MTSS2: variants seen among roughly 807,000 people sequenced by gnomAD.
The protein encoded by MTSS2 is MTSS I-BAR domain containing 2.
Under a neutral mutation model 67.1 loss-of-function variants are expected in MTSS2, and 27 were observed. The observed-to-expected ratio is 0.40, with a 90% CI of 0.30 to 0.55. MTSS2 has a LOEUF of 0.55. Among genes scored for constraint, MTSS2 ranks in the 20% least tolerant of loss-of-function variants. MTSS2 has a pLI of 0.43. For synonymous variants in MTSS2, 624 were observed against 468.6 expected, an observed-to-expected ratio of 1.33 and a Z score of -4.28; for missense variants, 1,171 against 1,067.8, an observed-to-expected ratio of 1.10 and a Z score of -1.35.
At chr16:70,664,853 C>T (rs1204773040) in intron 13 of MTSS2, 67 bp downstream of exon 13, 1 of 1,515,740 alleles carries the variant, frequency 6.6e-7, no homozygotes, top group South Asian at 1.3e-5. Context: ...TTGGAGCCGG[C>T]CCTGAGGCCA....
chr16:70,673,974 G>A (rs931001312), intron 11 of MTSS2, among the ~76,000 whole-genome samples: 3 of 151,880 alleles, frequency 2.0e-5, no homozygotes, highest in African/African-American at 7.3e-5. Flanking sequence ...ATAGAAAGAA[G>A]AAAGCCAGAA....
Position 70,664,749 on chromosome 16 carries a change from C to G in MTSS2, c.1320G>C (p.Val440=), listed in dbSNP as rs780523839. 1.8e-5 allele frequency: 29 copies of G among 1,611,124 alleles called. No homozygotes were observed. Among genetic ancestry groups the G allele is most frequent in the Non-Finnish European group, 2.5e-5 (29 of 1,179,122 alleles). Residue 440 remains valine (V), a synonymous_variant, in exon 14 of 15, where the codon GTG becomes GTC. Transcript: ENST00000338779. ...ATIAAKHGEE[V]SPAASDLAMV... ...TGGCCAGGTCACTGGCGGCGGGGGA[C>G]ACCTCCTCACCGTGCTGAGGGTGGG...
At chr16:70,677,047 C>CCCG in intron 9 of MTSS2, 69 bp from the exon 10 acceptor site, 1 of 1,194,340 alleles carries the variant, frequency 8.4e-7, no homozygotes, top group Non-Finnish European at 1.2e-6. Context: ...GAGGCCCCCC[C>CCCG]CCACTCTCTA....
rs546395335 is a variant in MTSS2, at chr16:70,666,189, C to T, written c.1054-649G>A. On this transcript the variant is annotated intron_variant, in intron 11 of 14. Coordinates refer to ENST00000338779, the MANE Select transcript of MTSS2 (RefSeq NM_138383.3). The stretch of plus-strand genomic sequence containing the variant: ...GTCCCGTAAAGGAGAGCCTGCTCTG[C>T]GGAGAAGGGGGGCAGCTGTGCTGAT... Among the ~76,000 whole-genome samples the T allele has an allele frequency of 5.3e-5, 8 of 151,902 alleles. No homozygotes were observed. In the East Asian group the frequency reaches 9.7e-4, roughly 18 times the overall value.
Position 70,685,868 on chromosome 16 carries a change from G to T in MTSS2, c.-77C>A. 1 of 854,490 alleles carries T rather than the reference G, an allele frequency of 1.2e-6. No individual in the cohort carries two copies. Among genetic ancestry groups the T allele is most frequent in the Non-Finnish European group, 1.4e-6 (1 of 701,612 alleles). 52.9% of individuals were successfully genotyped at this position (854,490 alleles called of 1,614,324 possible). A position where few individuals can be genotyped will look rare whatever the true frequency, so the allele number is the denominator to read the frequency against. ...GCAGCGCAAGGGAGGGGGCCAGGCC[G>T]CGCGGGCGCTCGCTCCGAGGCCGGG... is the stretch of plus-strand genomic sequence containing the variant. On this transcript the variant is annotated 5_prime_UTR_variant, in exon 1 of 15. Transcript: ENST00000338779.
chr16:70,670,479 T>C (rs2052891604), intron 11 of MTSS2, among the ~76,000 whole-genome samples: 1 of 152,170 alleles, frequency 6.6e-6, no homozygotes, highest in South Asian at 2.1e-4. Flanking sequence ...AGCAACATCA[T>C]AGCCAAAAAA....
In MTSS2 at chr16:70,663,882, TC is replaced by T; in HGVS notation, c.2038del (p.Glu680SerfsTer88). On this transcript the variant is annotated frameshift_variant, in exon 15 of 15. Transcript: ENST00000338779. LOFTEE classifies it low-confidence loss of function (END_TRUNC). The part of the protein sequence containing the change: ...NRHSLVEKLG[E>X]LVAGAHALGE... The stretch of plus-strand genomic sequence containing the variant: ...CAGTGCGTGGGCACCCGCCACCAGC[TC>T]CCCCAGCTTCTCCACCAGGCTGTGC... The T allele has an allele frequency of 6.5e-7, 1 of 1,545,864 alleles. No individual in the cohort carries two copies.
intron 11 of MTSS2, among the ~76,000 whole-genome samples, chr16:70,672,341 C>CAAAAAAAAAAAAAAAAAAAAAG (rs2052967303): frequency 1.2e-5 from 1 of 80,910 alleles, no homozygotes; most frequent in African/African-American, 5.2e-5. Flanking sequence ...GAGCAAAATT[C>CAAAAAAAAAAAAAAAAAAAAAG]AAAAAAAAAA....
At position 70,679,993 on chromosome 16, in the gene MTSS2, T is replaced by A; in HGVS notation, c.268A>T (p.Thr90Ser). ...CACTTGGTGAACTGCCGCAGCTTGG[T>A]CTCGATGCTGCGGTGGCGCATGCAC... ...RMCMRHRSIE[T>S]KLRQFTNALL... The change falls in exon 4 of 15, where the codon ACC becomes TCC. Residue 90 changes from threonine (T) to serine (S), a missense_variant. By Grantham distance (58) the Thr-to-Ser change is moderately conservative. Coordinates refer to ENST00000338779, the MANE Select transcript of MTSS2 (RefSeq NM_138383.3). 3.3e-6 allele frequency: 5 copies of A among 1,530,768 alleles called. No homozygotes were observed. Among genetic ancestry groups the A allele is most frequent in the Non-Finnish European group, 4.4e-6 (5 of 1,147,446 alleles). 94.8% of individuals were successfully genotyped at this position (1,530,768 alleles called of 1,614,324 possible). A position where few individuals can be genotyped will look rare whatever the true frequency, so the allele number is the denominator to read the frequency against.
rs2052747444 is a variant in MTSS2, at chr16:70,667,236, ACTC to A, written c.1054-1699_1054-1697del. Among the ~76,000 whole-genome samples the A allele has an allele frequency of 2.2e-5, 3 of 136,124 alleles. No homozygotes were observed. In the South Asian group the frequency reaches 6.9e-4, roughly 31 times the overall value. The allele number at this position is 136,124 out of a possible 152,430, so 89.3% of individuals were successfully genotyped here. Reference sequence around the variant, plus strand: ...CAGTGAGCTGTGATCACACCACTGAACTCCTGAACTCCAGTGTGCGTGACAGAG... The same window carrying A: ...CAGTGAGCTGTGATCACACCACTGAACTGAACTCCAGTGTGCGTGACAGAG... On this transcript the variant is annotated intron_variant, in intron 11 of 14. Transcript: ENST00000338779.
intron 9 of MTSS2, among the ~76,000 whole-genome samples, chr16:70,677,300 G>T (rs1042376849): frequency 3.3e-5 from 5 of 152,176 alleles, no homozygotes; most frequent in African/African-American, 4.8e-5. Flanking sequence ...GTCTTAGAGT[G>T]GAAGATTCCC....
intron 11 of MTSS2, among the ~76,000 whole-genome samples, chr16:70,670,143 C>T (rs916950305): frequency 2.7e-4 from 41 of 152,006 alleles, no homozygotes; most frequent in Non-Finnish European, 3.4e-4. Context: ...TGGTGGCATG[C>T]GCCTGTAATC....
rs549322112 is a variant in MTSS2 at position 70,662,780 on chromosome 16, C to T, written c.*897G>A. 146 of 152,806 alleles carry T rather than the reference C, an allele frequency of 9.6e-4. 1 individual carries two copies. Among genetic ancestry groups the T allele is most frequent in the Non-Finnish European group, 2.5e-4 (17 of 68,158 alleles). 9.5% of individuals were successfully genotyped at this position (152,806 alleles called of 1,614,324 possible). A position where few individuals can be genotyped will look rare whatever the true frequency, so the allele number is the denominator to read the frequency against. ...ATTATATTCATAAAATGACCCCACA[C>T]CTCCTACTGCTCCAGTCACCCCCCG... On this transcript the variant is annotated 3_prime_UTR_variant, in exon 15 of 15. Transcript: ENST00000338779.
rs1217037225 is a variant in MTSS2 at position 70,685,740 on chromosome 16, T to C, written c.52A>G (p.Ile18Val). The part of the protein sequence containing the change: ...CGALGGLFQA[I>V]VNDMKSSYPI... Reference sequence around the variant, plus strand: ...CCGGTTACCTTCATGTCGTTGACTATGGCCTGGAAGAGCCCGCCCAGGGCG... The same window carrying C: ...CCGGTTACCTTCATGTCGTTGACTACGGCCTGGAAGAGCCCGCCCAGGGCG... The change falls in exon 1 of 15, where the codon ATA becomes GTA. Residue 18 changes from isoleucine to valine, a missense_variant. Physicochemically the swap from Ile to Val is conservative, Grantham distance 29. This residue lies in a region of MTSS2 where 247 missense variants were observed against 311.8 expected (regional missense o/e 0.79). Transcript: ENST00000338779. 1 of 1,363,594 alleles carries C rather than the reference T, an allele frequency of 7.3e-7. No individual in the cohort carries two copies. Among genetic ancestry groups the C allele is most frequent in the Non-Finnish European group, 9.7e-7 (1 of 1,035,854 alleles). The allele number at this position is 1,363,594 out of a possible 1,614,324, so 84.5% of individuals were successfully genotyped here. A position where few individuals can be genotyped will look rare whatever the true frequency, so the allele number is the denominator to read the frequency against.
chr16:70,663,473 G>A lies in MTSS2; in HGVS notation c.*204C>T. The A allele has an allele frequency of 1.0e-6, 1 of 988,894 alleles. No homozygotes were observed. The highest frequency in any genetic ancestry group is 2.9e-5 in the East Asian group (1 of 34,760). The allele number at this position is 988,894 out of a possible 1,614,324, so 61.3% of individuals were successfully genotyped here. A position where few individuals can be genotyped will look rare whatever the true frequency, so the allele number is the denominator to read the frequency against. On this transcript the variant is annotated 3_prime_UTR_variant, in exon 15 of 15. Transcript: ENST00000338779. ...ACCCCGAACCAGGCCCAGGCCTGCA[G>A]GCTCCGTCCTGGCCAGGCTTGCTAA...
At chr16:70,667,920 G>A (rs1164764352) in intron 11 of MTSS2, among the ~76,000 whole-genome samples, 1 of 151,266 alleles carries the variant, frequency 6.6e-6, no homozygotes, top group Non-Finnish European at 1.5e-5. Context: ...ATTACTGAGA[G>A]GCAGTAAAGC....
Position 70,678,259 on chromosome 16 carries a change from G to T in MTSS2, c.617C>A (p.Pro206His). The change falls in exon 8 of 15, where the codon CCT (proline) becomes CAT (histidine). Residue 206 changes from proline (P) to histidine (H), a missense_variant. Pro to His is a moderately conservative substitution (Grantham distance 77, BLOSUM62 -2). Transcript: ENST00000338779. ...RFCTFITFLQ[P>H]VVNGELTMLG... ...AGTCCCCAGGAGTCCCACCACCACAGGCTGCAGGAAGGTGATGAAGGTGCA... is the reference window on the plus strand; with the variant it reads ...AGTCCCCAGGAGTCCCACCACCACATGCTGCAGGAAGGTGATGAAGGTGCA... 1 of 1,608,262 alleles carries T rather than the reference G, an allele frequency of 6.2e-7. No individual in the cohort carries two copies. The highest frequency in any genetic ancestry group is 1.1e-5 in the South Asian group (1 of 90,674).
chr16:70,665,466 C>G lies in MTSS2; in HGVS notation c.1128G>C (p.Ser376=), dbSNP rs144454833. The G allele has an allele frequency of 6.4e-7, 1 of 1,554,052 alleles. No homozygotes were observed. The highest frequency in any genetic ancestry group is 1.2e-5 in the South Asian group (1 of 84,264). The change falls in exon 12 of 15, where the codon TCG becomes TCC. Residue 376 remains serine (S), a splice_region_variant and synonymous_variant. Transcript: ENST00000338779. ...CTGGGGCCGGGCTGGGAGCACTGAC[C>G]GAGGTGGGGGAGCTGCACTCGCTAA... The part of the protein sequence containing the change: ...QSVSECSSPT[S]DWSKVGSHEQ...
rs1479079516 is a variant in MTSS2, at chr16:70,661,798, C to G, written c.*1879G>C. The G allele has an allele frequency of 1.1e-5, 2 of 181,508 alleles. No individual in the cohort carries two copies. Among genetic ancestry groups the G allele is most frequent in the Non-Finnish European group, 2.3e-5 (2 of 86,160 alleles). The allele number at this position is 181,508 out of a possible 1,614,324, so 11.2% of individuals were successfully genotyped here. On this transcript the variant is annotated 3_prime_UTR_variant, in exon 15 of 15. Coordinates refer to ENST00000338779, the MANE Select transcript of MTSS2 (RefSeq NM_138383.3). ...TCCTTTCCCATCAGGACCTCTGACG[C>G]CCAGGTCTGCCCACCCACTGCCCCT...
Sources: gnomAD v4.1 joint callset for allele counts (sites outside exome capture counted in the v4.1 genomes callset) on GRCh38, gnomAD v4.1.1 for gene constraint, gnomAD v4.1.1 regional missense constraint, MANE v1.5 for transcripts, NCBI Gene and HGNC (gene_info 2026-07-23, HGNC 2026-07-21) for gene names.